FOXJ3: variants seen among roughly 807,000 people sequenced by gnomAD.
FOXJ3 encodes forkhead box protein J3.
A neutral mutation model predicts 76.1 loss-of-function variants in FOXJ3; 22 were observed. That is an observed-to-expected ratio of 0.29 (90% CI 0.21 to 0.41). FOXJ3 has a LOEUF of 0.41. Ranked by LOEUF, FOXJ3 falls within the 10% of genes least tolerant of loss-of-function variation. The pLI is 1.00. For synonymous variants in FOXJ3, 269 were observed against 261.2 expected (o/e 1.03, Z -0.29); for missense variants, 613 against 762.1 (o/e 0.80, Z 2.30).
At chr1:42,245,537 A>T (rs895582194) in intron 4 of FOXJ3, among the ~76,000 whole-genome samples, 4 of 152,214 alleles carry the variant, frequency 2.6e-5, no homozygotes, top group Non-Finnish European at 5.9e-5. Context: ...AATAAACCTA[A>T]CACATCACAT....
intron 2 of FOXJ3, among the ~76,000 whole-genome samples, chr1:42,307,131 A>C (rs1487705713): frequency 6.6e-6 from 1 of 152,246 alleles, no homozygotes; most frequent in African/African-American, 2.4e-5. Context: ...CATAAGAGCC[A>C]TTTCCCCAGC....
intron 5 of FOXJ3, among the ~76,000 whole-genome samples, chr1:42,224,931 T>G (rs1647431709): frequency 6.6e-6 from 1 of 150,428 alleles, no homozygotes. Flanking sequence ...TACAAAAAAT[T>G]TTAAAATTAG....
chr1:42,329,018 G>C (rs543421558), intron 1 of FOXJ3, among the ~76,000 whole-genome samples: 1 of 152,150 alleles, frequency 6.6e-6, no homozygotes, highest in East Asian at 1.9e-4. Context: ...CACTGTATGA[G>C]TCTCATTTCC....
intron 2 of FOXJ3, among the ~76,000 whole-genome samples, chr1:42,283,931 C>T (rs547847143): frequency 2.6e-5 from 4 of 152,240 alleles, no homozygotes; most frequent in East Asian, 1.9e-4. Flanking sequence ...CTCTGGAATG[C>T]GGACAGAATT....
chr1:42,216,141 CA>C (rs1647059821), intron 5 of FOXJ3, among the ~76,000 whole-genome samples: 1 of 151,928 alleles, frequency 6.6e-6, no homozygotes, highest in African/African-American at 2.4e-5. Flanking sequence ...GTTCTTTAGG[CA>C]GGGGGAAATT....
chr1:42,182,654 C>T (rs1187075721), intron 11 of FOXJ3, among the ~76,000 whole-genome samples: 1 of 152,148 alleles, frequency 6.6e-6, no homozygotes, highest in African/African-American at 2.4e-5. Context: ...TGCACTACCA[C>T]GCCTGGCTAA....
chr1:42,179,890 C>T (rs1646284216), intron 12 of FOXJ3, 65 bp from the exon 13 acceptor site: 1 of 999,016 alleles, frequency 1.0e-6, no homozygotes, highest in Non-Finnish European at 1.6e-6. Flanking sequence ...ATAAACTAAC[C>T]CCTACTGTGT....
chr1:42,212,275 T>C (rs983305524), intron 5 of FOXJ3, among the ~76,000 whole-genome samples: 1 of 152,152 alleles, frequency 6.6e-6, no homozygotes, highest in African/African-American at 2.4e-5. Flanking sequence ...AAAAAGTTAA[T>C]TGTGAGTTTA....
intron 4 of FOXJ3, among the ~76,000 whole-genome samples, chr1:42,230,362 T>G (rs1647977889): frequency 6.6e-6 from 1 of 152,164 alleles, no homozygotes; most frequent in South Asian, 2.1e-4. Context: ...AGGTACAGGC[T>G]AAGTATCCCT....
At chr1:42,230,868 G>C (rs540880338) in intron 4 of FOXJ3, among the ~76,000 whole-genome samples, 1 of 152,156 alleles carries the variant, frequency 6.6e-6, no homozygotes, top group African/African-American at 2.4e-5. Context: ...CAAAAGATAC[G>C]AAAGCAGGAA....
At position 42,183,528 on chromosome 1, in the gene FOXJ3, C is replaced by T. The variant is rs139757671; in HGVS notation, c.1646-1504G>A. Among the ~76,000 whole-genome samples, 225 of 151,940 alleles carry T rather than the reference C, an allele frequency of 1.5e-3. 5 individuals are homozygous for T. In the East Asian group the frequency reaches 0.043, roughly 29 times the overall value. ...AAAAGAGAGAACAAACATGACCCCT[C>T]CTCCAATAACTCATGAGGAATGATT... On this transcript the variant is annotated intron_variant, in intron 11 of 12. Coordinates refer to ENST00000361346, the MANE Select transcript of FOXJ3 (RefSeq NM_014947.5).
Position 42,197,782 on chromosome 1 carries a change from C to T in FOXJ3, c.759+1320G>A, listed in dbSNP as rs1112796. 3.3e-5 allele frequency among the ~76,000 whole-genome samples: 5 copies of T among 151,924 alleles called. No homozygotes were observed. The East Asian group carries it at 7.7e-4, about 23-fold the overall frequency. ...CAAGTGATCCTCCCTTCTCAGCCTC[C>T]TAAGGTGCATGCCACAATGCCTGGC... is the stretch of plus-strand genomic sequence containing the variant. On this transcript the variant is annotated intron_variant, in intron 7 of 12. Transcript: ENST00000361346.
At position 42,229,358 on chromosome 1, in the gene FOXJ3, C is replaced by A. The variant is rs188504146; in HGVS notation, c.445-1392G>T. ...TTTACTCGTTTCTATATCCACAGTGCCAGTCACAATGTCAGACACAAAGCA... is the reference window on the plus strand; with the variant it reads ...TTTACTCGTTTCTATATCCACAGTGACAGTCACAATGTCAGACACAAAGCA... On this transcript the variant is annotated intron_variant, in intron 4 of 12. Coordinates refer to ENST00000361346, the MANE Select transcript of FOXJ3 (RefSeq NM_014947.5). 3.7e-4 allele frequency among the ~76,000 whole-genome samples: 57 copies of A among 152,274 alleles called. No individual in the cohort carries two copies. In the East Asian group the frequency reaches 7.9e-3, roughly 21 times the overall value.
chr1:42,229,267 C>T (rs555515779), intron 4 of FOXJ3, among the ~76,000 whole-genome samples: 4 of 152,194 alleles, frequency 2.6e-5, no homozygotes, highest in African/African-American at 9.7e-5. Context: ...TGCAAATTAA[C>T]ATTCAATTCT....
intron 4 of FOXJ3, among the ~76,000 whole-genome samples, chr1:42,258,321 G>A (rs1305882984): frequency 6.6e-6 from 1 of 152,096 alleles, no homozygotes; most frequent in Non-Finnish European, 1.5e-5. Flanking sequence ...AACTGCTCAG[G>A]CACAGCATTT....
chr1:42,313,101 G>A (rs1315741647), intron 1 of FOXJ3, among the ~76,000 whole-genome samples: 1 of 152,094 alleles, frequency 6.6e-6, no homozygotes, highest in Non-Finnish European at 1.5e-5. Context: ...TTGGGAGGCC[G>A]AGGCGGCCGG....
intron 11 of FOXJ3, 103 bp downstream of exon 11, chr1:42,188,634 G>A: frequency 1.6e-6 from 1 of 635,158 alleles, no homozygotes; most frequent in Non-Finnish European, 2.6e-6. Flanking sequence ...TTTGTAAACA[G>A]ATCACTGTCA....
intron 7 of FOXJ3, among the ~76,000 whole-genome samples, chr1:42,195,651 C>T (rs1416838561): frequency 6.6e-6 from 1 of 152,162 alleles, no homozygotes; most frequent in Non-Finnish European, 1.5e-5. Context: ...TTCTTAAAGA[C>T]TACGTACTAC....
chr1:42,288,778 G>GGA, intron 2 of FOXJ3, among the ~76,000 whole-genome samples: 3 of 68,344 alleles, frequency 4.4e-5, no homozygotes, highest in Middle Eastern at 0.014. Flanking sequence ...CAGATTTAAT[G>GGA]CAGAGAGAGA....
Sources: allele counts gnomAD v4.1 joint callset (sites outside exome capture counted in the v4.1 genomes callset), GRCh38; gene constraint gnomAD v4.1.1; transcripts MANE v1.5; gene names NCBI Gene and HGNC (gene_info 2026-07-23, HGNC 2026-07-21).